The following KAZN variants were observed in gnomAD, a reference collection of about 807,000 sequenced individuals.
The protein encoded by KAZN is kazrin.
In KAZN, 40 loss-of-function variants were observed where a neutral mutation model predicts 87.4. The observed-to-expected ratio is 0.46, with a 90% CI of 0.36 to 0.60. The LOEUF (loss-of-function observed/expected upper bound fraction) is 0.60, where lower values mean the gene tolerates loss of function less well. KAZN is among the 20% of genes least tolerant of loss of function. KAZN has a pLI of 0.00. For synonymous variants in KAZN, 466 were observed against 458.3 expected (o/e 1.02, Z -0.22); for missense variants, 898 against 1,073.9 (o/e 0.84, Z 2.29).
At chr1:14,801,691 T>G (rs913434477) in intron 1 of KAZN, among the ~76,000 whole-genome samples, 1 of 140,912 alleles carries the variant, frequency 7.1e-6, no homozygotes, top group African/African-American at 2.7e-5. Flanking sequence ...TTTGTTTTTT[T>G]GTTTTTTTTT....
At chr1:14,551,085 C>T (rs990083861) in intron 2 of KAZN, among the ~76,000 whole-genome samples, 1 of 152,082 alleles carries the variant, frequency 6.6e-6, no homozygotes, top group African/African-American at 2.4e-5. Context: ...TCAGAATAGT[C>T]ATTATGTTAC....
chr1:14,159,016 C>T (rs1458894704), intron 1 of KAZN, among the ~76,000 whole-genome samples: 1 of 152,192 alleles, frequency 6.6e-6, no homozygotes, highest in African/African-American at 2.4e-5. Context: ...CACAAGTACT[C>T]CTGTGGCCAC....
At chr1:14,924,568 G>T in intron 1 of KAZN, 1 of 1,013,220 alleles carries the variant, frequency 9.9e-7, no homozygotes. Context: ...ACTGCAGCCA[G>T]CCCGGTAGGT....
intron 2 of KAZN, among the ~76,000 whole-genome samples, chr1:14,439,755 G>A (rs1482599191): frequency 6.6e-6 from 1 of 152,190 alleles, no homozygotes. Flanking sequence ...ACATGAGTGG[G>A]TCCCTTCATA....
intron 2 of KAZN, among the ~76,000 whole-genome samples, chr1:14,250,371 C>T (rs755426955): frequency 2.0e-5 from 3 of 151,524 alleles, no homozygotes; most frequent in Non-Finnish European, 4.4e-5. Context: ...CCATCAACTT[C>T]GGGATTCTAA....
intron 1 of KAZN, among the ~76,000 whole-genome samples, chr1:14,743,164 G>A (rs1034203919): frequency 6.6e-6 from 1 of 152,186 alleles, no homozygotes; most frequent in African/African-American, 2.4e-5. Context: ...AGGTGTGGTG[G>A]CTCATGCCTG....
At chr1:15,112,601 T>TTCTCCCAGCGGCAGGTCTTTTTTTCA in intron 14 of KAZN, 60 bp downstream of exon 14, 1 of 380,926 alleles carries the variant, frequency 2.6e-6, no homozygotes, top group Non-Finnish European at 4.1e-6. Flanking sequence ...TCTTTTTTTC[T>TTCTCCCAGCGGCAGGTCTTTTTTTCA]CCTCCCGGGA....
intron 2 of KAZN, among the ~76,000 whole-genome samples, chr1:14,475,226 T>C (rs1017371488): frequency 1.3e-5 from 2 of 152,190 alleles, no homozygotes; most frequent in Non-Finnish European, 2.9e-5. Context: ...TAGAAAATGC[T>C]TATTAAATTC....
chr1:14,224,132 C>G (rs1269271619), intron 2 of KAZN, among the ~76,000 whole-genome samples: 1 of 152,158 alleles, frequency 6.6e-6, no homozygotes. Context: ...AAAGGAATGT[C>G]TCATACCCAA....
intron 1 of KAZN, among the ~76,000 whole-genome samples, chr1:14,622,428 T>C (rs562994663): frequency 9.9e-5 from 15 of 152,272 alleles, no homozygotes; most frequent in East Asian, 7.7e-4. Context: ...TGGTGGCTCA[T>C]GCCTGTAATC....
intron 2 of KAZN, among the ~76,000 whole-genome samples, chr1:14,571,881 CAGTG>C (rs1674891373): frequency 6.6e-6 from 1 of 152,140 alleles, no homozygotes; most frequent in African/African-American, 2.4e-5. Flanking sequence ...AGTGGGCTGA[CAGTG>C]AGGGCAATGT....
intron 1 of KAZN, among the ~76,000 whole-genome samples, chr1:14,164,640 A>G (rs1415918353): frequency 6.8e-6 from 1 of 147,026 alleles, no homozygotes; most frequent in African/African-American, 2.5e-5. Context: ...CCCTGGGTTC[A>G]AGCGATTCTC....
chr1:14,093,535 T>C (rs566360201), intron 1 of KAZN, among the ~76,000 whole-genome samples: 5 of 152,276 alleles, frequency 3.3e-5, no homozygotes, highest in Non-Finnish European at 5.9e-5. Context: ...GGTAAGGAGA[T>C]TCCTCTTGCT....
At chr1:14,683,608 G>A (rs958977303) in intron 1 of KAZN, among the ~76,000 whole-genome samples, 2 of 152,134 alleles carry the variant, frequency 1.3e-5, no homozygotes, top group African/African-American at 4.8e-5. Context: ...ACTTATTCAC[G>A]ACCCATTTAT....
At chr1:13,964,579 G>A (rs553265248) in intron 1 of KAZN, among the ~76,000 whole-genome samples, 3 of 152,164 alleles carry the variant, frequency 2.0e-5, no homozygotes, top group Non-Finnish European at 2.9e-5. Context: ...TTCTTTAAAC[G>A]TAGTCTCTCA....
intron 11 of KAZN, 56 bp downstream of exon 11, chr1:15,101,830 G>A: frequency 3.4e-6 from 4 of 1,164,782 alleles, no homozygotes; most frequent in Non-Finnish European, 3.7e-6. Flanking sequence ...CTCCCCTCTT[G>A]GCATCTACTG....
intron 2 of KAZN, among the ~76,000 whole-genome samples, chr1:14,318,323 TC>T (rs1451007292): frequency 1.3e-5 from 2 of 152,124 alleles, no homozygotes; most frequent in Non-Finnish European, 2.9e-5. Context: ...TTTTGCTGGC[TC>T]TAGAATGCTA....
At chr1:14,750,414 C>T (rs1054553061) in intron 1 of KAZN, among the ~76,000 whole-genome samples, 15 of 152,102 alleles carry the variant, frequency 9.9e-5, no homozygotes, top group African/African-American at 2.4e-4. Flanking sequence ...TTAACGGAAA[C>T]GAAGTTTTAC....
intron 1 of KAZN, among the ~76,000 whole-genome samples, chr1:14,171,181 C>G (rs1015150370): frequency 3.9e-5 from 6 of 152,274 alleles, no homozygotes; most frequent in Admixed American, 1.3e-4. Context: ...TTTTGTTAGT[C>G]CATGTATCAG....
Sources: gnomAD v4.1 joint callset for allele counts (sites outside exome capture counted in the v4.1 genomes callset) on GRCh38, gnomAD v4.1.1 for gene constraint, MANE v1.5 for transcripts, NCBI Gene and HGNC (gene_info 2026-07-23, HGNC 2026-07-21) for gene names.